RP1: variants seen among roughly 807,000 people sequenced by gnomAD.
RP1 encodes oxygen-regulated protein 1.
Under a neutral mutation model 14.8 loss-of-function variants are expected in RP1, and 16 were observed. The observed-to-expected ratio is 1.08, with a 90% CI of 0.73 to 1.65. The LOEUF (loss-of-function observed/expected upper bound fraction) is 1.65, where lower values mean the gene tolerates loss of function less well. Ranked by LOEUF, RP1 falls within the 40% of genes most tolerant of loss-of-function variation. The pLI, the probability that RP1 is intolerant of heterozygous loss-of-function variation, is 0.00. For synonymous variants in RP1, 876 were observed against 883.6 expected, an observed-to-expected ratio of 0.99 and a Z score of 0.15; for missense variants, 2,631 against 2,535.0, an observed-to-expected ratio of 1.04 and a Z score of -0.81.
chr8:54,824,698 A>G (rs1211244244), intron 24 of RP1, among the ~76,000 whole-genome samples: 1 of 152,212 alleles, frequency 6.6e-6, no homozygotes, highest in Non-Finnish European at 1.5e-5. Context: ...CATCCTACAA[A>G]AAAAGAATTA....
chr8:54,862,036 C>T (rs1585756351), intron 27 of RP1, among the ~76,000 whole-genome samples: 1 of 152,232 alleles, frequency 6.6e-6, no homozygotes, highest in Non-Finnish European at 1.5e-5. Flanking sequence ...GTAGGTGTTA[C>T]TACCAGCACA....
downstream of RP1, among the ~76,000 whole-genome samples, chr8:54,634,970 T>C (rs562879330): frequency 4.6e-5 from 7 of 151,922 alleles, no homozygotes; most frequent in South Asian, 1.5e-3. Flanking sequence ...TAGTCCCAGC[T>C]ACTCGGGAGG....
intron 17 of RP1, among the ~76,000 whole-genome samples, chr8:54,727,480 T>C (rs1338666730): frequency 6.6e-6 from 1 of 152,146 alleles, no homozygotes; most frequent in Non-Finnish European, 1.5e-5. Context: ...ATAGATACTT[T>C]TTTAATGAGT....
At chr8:54,865,518 C>A (rs1207689474) in intron 27 of RP1, among the ~76,000 whole-genome samples, 1 of 152,092 alleles carries the variant, frequency 6.6e-6, no homozygotes, top group Non-Finnish European at 1.5e-5. Flanking sequence ...TCTTCTATGA[C>A]TTAACATAAC....
chr8:54,796,641 A>G (rs1044749465), intron 24 of RP1, among the ~76,000 whole-genome samples: 1 of 152,184 alleles, frequency 6.6e-6, no homozygotes, highest in Non-Finnish European at 1.5e-5. Context: ...AAAGGATGCC[A>G]AAGATTGACA....
chr8:54,753,245 G>A (rs945757967), intron 19 of RP1, among the ~76,000 whole-genome samples: 1 of 152,176 alleles, frequency 6.6e-6, no homozygotes, highest in Non-Finnish European at 1.5e-5. Context: ...GAGTTAGTCT[G>A]TAACCTGTAT....
intron 7 of RP1, among the ~76,000 whole-genome samples, chr8:54,671,733 A>G (rs549298633): frequency 6.6e-6 from 1 of 151,834 alleles, no homozygotes; most frequent in East Asian, 1.9e-4. Flanking sequence ...TACTGATTTC[A>G]TTTAGTTGGT....
rs117746342 is a variant in RP1, at chr8:54,650,100, T to C, written c.951+952T>C. Reference sequence around the variant, plus strand: ...TTGAATTATATATTCACATAGTTTATAGGGCTAAATAATTTTCAATTCTGT... The same window carrying C: ...TTGAATTATATATTCACATAGTTTACAGGGCTAAATAATTTTCAATTCTGT... On this transcript the variant is annotated intron_variant, in intron 4 of 22. Coordinates refer to the RP1 transcript ENST00000636932. 2.9e-3 allele frequency among the ~76,000 whole-genome samples: 443 copies of C among 152,342 alleles called. 2 individuals carry two copies. The highest frequency in any genetic ancestry group is 0.014 in the Middle Eastern group (4 of 294).
At position 54,696,674 on chromosome 8, in the gene RP1, A is replaced by T. The variant is rs1026411983; in HGVS notation, c.1718-2793A>T. ...ACATTCCTTGGCCTTTGTTGTACGCATCAAAAGGATTGATGGTGTGATTTT... is the reference window on the plus strand; with the variant it reads ...ACATTCCTTGGCCTTTGTTGTACGCTTCAAAAGGATTGATGGTGTGATTTT... On this transcript the variant is annotated intron_variant, in intron 12 of 22. Coordinates refer to the RP1 transcript ENST00000636932. 2.4e-5 allele frequency: 19 copies of T among 783,706 alleles called. No individual in the cohort carries two copies. In the African/African-American group the frequency reaches 3.1e-4, roughly 13 times the overall value. The allele number at this position is 783,706 out of a possible 1,614,324, so 48.5% of individuals were successfully genotyped here.
chr8:54,864,301 C>T (rs1812414194), intron 27 of RP1, among the ~76,000 whole-genome samples: 1 of 152,102 alleles, frequency 6.6e-6, no homozygotes. Context: ...ATATTGTAAG[C>T]TGATCCAAAT....
At chr8:54,611,078 A>G (rs370534035) in intron 1 of RP1, among the ~76,000 whole-genome samples, 38 of 152,290 alleles carry the variant, frequency 2.5e-4, no homozygotes, top group African/African-American at 8.9e-4. Flanking sequence ...TCTGGCCTCC[A>G]AGGTTTCTAA....
chr8:54,652,286 G>A (rs1213753719), intron 4 of RP1, among the ~76,000 whole-genome samples: 2 of 152,120 alleles, frequency 1.3e-5, no homozygotes, highest in Non-Finnish European at 2.9e-5. Flanking sequence ...GAACTTTTCA[G>A]TTTGCCTTAT....
chr8:54,602,159 T>C (rs1448239747), intron 1 of RP1, among the ~76,000 whole-genome samples: 3 of 152,322 alleles, frequency 2.0e-5, no homozygotes, highest in Admixed American at 6.5e-5. Flanking sequence ...TAACATTAGG[T>C]ATATCTCCCA....
exon 16 of RP1, chr8:54,720,225 G>C: frequency 6.5e-7 from 1 of 1,535,914 alleles, no homozygotes; most frequent in South Asian, 1.2e-5. Context: ...ATTGTTTGTT[G>C]GACTTCAGTC....
At chr8:54,615,840 A>C (rs2129311963), upstream of RP1, among the ~76,000 whole-genome samples, 1 of 152,348 alleles carries the variant, frequency 6.6e-6, no homozygotes. Flanking sequence ...TGAGGGTTAA[A>C]AGTTGTCTGG....
intron 24 of RP1, among the ~76,000 whole-genome samples, chr8:54,797,841 A>T: frequency 7.2e-6 from 1 of 138,054 alleles, no homozygotes; most frequent in Admixed American, 7.2e-5. Flanking sequence ...TTCTGATGTC[A>T]TTGATGAAGT....
intron 15 of RP1, among the ~76,000 whole-genome samples, chr8:54,716,162 TTACTA>T (rs1353673948): frequency 1.3e-5 from 2 of 152,200 alleles, no homozygotes; most frequent in Non-Finnish European, 2.9e-5. Context: ...AGCTACGAGA[TTACTA>T]TAATGAAACA....
intron 26 of RP1, among the ~76,000 whole-genome samples, chr8:54,854,159 A>G (rs1335712661): frequency 6.6e-6 from 1 of 152,200 alleles, no homozygotes; most frequent in East Asian, 1.9e-4. Context: ...TGGCAATCTA[A>G]TTATATAATT....
At chr8:54,717,667 G>A (rs752237029) in intron 15 of RP1, among the ~76,000 whole-genome samples, 5 of 152,042 alleles carry the variant, frequency 3.3e-5, no homozygotes, top group Admixed American at 6.6e-5. Flanking sequence ...GAAACTGGAT[G>A]CTTTTTCTTT....
Sources: allele counts gnomAD v4.1 joint callset (sites outside exome capture counted in the v4.1 genomes callset), GRCh38; gene constraint gnomAD v4.1.1; transcripts MANE v1.5; gene names NCBI Gene and HGNC (gene_info 2026-07-23, HGNC 2026-07-21).